The following KCNIP1 variants were observed in gnomAD, a reference collection of about 807,000 sequenced individuals.
The protein encoded by KCNIP1 is potassium voltage-gated channel interacting protein 1, also known as A-type potassium channel modulatory protein KCNIP1.
KCNIP1 carries 18 observed loss-of-function variants against 33.0 expected under a neutral mutation model. The ratio of observed to expected loss-of-function variants is 0.55; its 90% CI spans 0.38 to 0.81. The LOEUF (loss-of-function observed/expected upper bound fraction) is 0.81, where lower values mean the gene tolerates loss of function less well. KCNIP1 is among the 30% of genes least tolerant of loss of function. The pLI, the probability that KCNIP1 is intolerant of heterozygous loss-of-function variation, is 0.00. For missense variants in KCNIP1, 238 were observed against 271.6 expected (o/e 0.88, Z 0.87); for synonymous variants, 93 against 98.3 (o/e 0.95, Z 0.32).
intron 1 of KCNIP1, among the ~76,000 whole-genome samples, chr5:170,356,243 C>T (rs543214210): frequency 5.2e-4 from 79 of 152,320 alleles, no homozygotes; most frequent in African/African-American, 1.8e-3. Context: ...GCACTGAGTT[C>T]TAGATTTGCA....
chr5:170,456,854 A>G (rs143416048), intron 1 of KCNIP1, among the ~76,000 whole-genome samples: 59 of 152,038 alleles, frequency 3.9e-4, no homozygotes, highest in African/African-American at 1.4e-3. Flanking sequence ...GAGTAGCTGG[A>G]ACCACAGGAG....
intron 1 of KCNIP1, among the ~76,000 whole-genome samples, chr5:170,694,470 G>A (rs1177444037): frequency 6.6e-6 from 1 of 152,104 alleles, no homozygotes; most frequent in Admixed American, 6.5e-5. Flanking sequence ...ACTGAAATGA[G>A]GAGATGGTCT....
chr5:170,655,726 C>T (rs1358065391), intron 1 of KCNIP1, among the ~76,000 whole-genome samples: 3 of 152,190 alleles, frequency 2.0e-5, no homozygotes, highest in Admixed American at 1.3e-4. Flanking sequence ...CTGACTTGCA[C>T]TGTGGGCTGA....
At chr5:170,531,502 C>A (rs1478240008) in intron 1 of KCNIP1, among the ~76,000 whole-genome samples, 2 of 152,144 alleles carry the variant, frequency 1.3e-5, no homozygotes, top group Non-Finnish European at 2.9e-5. Flanking sequence ...ATAATGAGAC[C>A]AAATCATCCC....
At chr5:170,455,169 T>C (rs1339173950) in intron 1 of KCNIP1, among the ~76,000 whole-genome samples, 1 of 152,110 alleles carries the variant, frequency 6.6e-6, no homozygotes, top group African/African-American at 2.4e-5. Context: ...CAACTAGACA[T>C]AAGATCAACA....
chr5:170,659,713 C>A (rs1761402783), intron 1 of KCNIP1, among the ~76,000 whole-genome samples: 1 of 152,228 alleles, frequency 6.6e-6, no homozygotes, highest in South Asian at 2.1e-4. Context: ...AGGCTCGGAA[C>A]AAGACTCCTT....
intron 1 of KCNIP1, among the ~76,000 whole-genome samples, chr5:170,518,760 C>T (rs1357375706): frequency 3.9e-5 from 6 of 152,210 alleles, no homozygotes; most frequent in African/African-American, 1.4e-4. Context: ...CCACTTTGCC[C>T]TCAGAGGTAG....
chr5:170,707,993 C>T (rs1763316872), intron 1 of KCNIP1, among the ~76,000 whole-genome samples: 1 of 152,046 alleles, frequency 6.6e-6, no homozygotes, highest in Non-Finnish European at 1.5e-5. Flanking sequence ...AAATCTTTAT[C>T]AAGGCTCAGC....
chr5:170,369,829 G>T (rs1763795736), intron 1 of KCNIP1, among the ~76,000 whole-genome samples: 1 of 152,162 alleles, frequency 6.6e-6, no homozygotes, highest in Non-Finnish European at 1.5e-5. Context: ...CCAGGAGGTT[G>T]GCCTACCTCG....
intron 1 of KCNIP1, among the ~76,000 whole-genome samples, chr5:170,358,446 C>A (rs1214314467): frequency 6.6e-6 from 1 of 152,206 alleles, no homozygotes; most frequent in Non-Finnish European, 1.5e-5. Flanking sequence ...TCAAGATCCT[C>A]AAGAGACTGA....
At chr5:170,371,899 C>T (rs1763855497) in intron 1 of KCNIP1, among the ~76,000 whole-genome samples, 1 of 152,062 alleles carries the variant, frequency 6.6e-6, no homozygotes, top group Non-Finnish European at 1.5e-5. Flanking sequence ...ACTTCTGACA[C>T]CACGTAAGAG....
intron 1 of KCNIP1, among the ~76,000 whole-genome samples, chr5:170,598,685 G>GT (rs1758555247): frequency 6.6e-6 from 1 of 152,124 alleles, no homozygotes; most frequent in African/African-American, 2.4e-5. Context: ...GGCCTGGGAG[G>GT]TGTCAACAAG....
intron 1 of KCNIP1, among the ~76,000 whole-genome samples, chr5:170,623,455 G>T (rs996920135): frequency 2.6e-5 from 4 of 151,818 alleles, no homozygotes; most frequent in African/African-American, 9.7e-5. Context: ...CAAGTGATCC[G>T]CCCACCTCAG....
chr5:170,550,035 G>A (rs1756550855), intron 1 of KCNIP1, among the ~76,000 whole-genome samples: 1 of 152,178 alleles, frequency 6.6e-6, no homozygotes, highest in African/African-American at 2.4e-5. Flanking sequence ...GCTTGTAGGA[G>A]CATTGGACTG....
intron 1 of KCNIP1, among the ~76,000 whole-genome samples, chr5:170,401,637 C>T (rs574977271): frequency 2.6e-5 from 4 of 152,150 alleles, no homozygotes; most frequent in South Asian, 2.1e-4. Flanking sequence ...TGGCGCATGC[C>T]TGTGGTCCCA....
chr5:170,461,466 T>C (rs1488163322), intron 1 of KCNIP1, among the ~76,000 whole-genome samples: 3 of 152,066 alleles, frequency 2.0e-5, no homozygotes, highest in Non-Finnish European at 4.4e-5. Flanking sequence ...AATAGGCACA[T>C]AGGGTTGGGT....
intron 1 of KCNIP1, among the ~76,000 whole-genome samples, chr5:170,690,888 A>C (rs1034363702): frequency 6.6e-5 from 10 of 152,214 alleles, no homozygotes; most frequent in African/African-American, 9.6e-5. Flanking sequence ...TTACATACTT[A>C]GCTTCTGTGC....
At chr5:170,355,308 G>A (rs920080905) in intron 1 of KCNIP1, among the ~76,000 whole-genome samples, 2 of 152,224 alleles carry the variant, frequency 1.3e-5, no homozygotes, top group Admixed American at 6.5e-5. Flanking sequence ...ATTGCTCTCA[G>A]TGGCTTTACC....
At chr5:170,652,812 A>C (rs1761100072) in intron 1 of KCNIP1, among the ~76,000 whole-genome samples, 1 of 152,200 alleles carries the variant, frequency 6.6e-6, no homozygotes, top group South Asian at 2.1e-4. Context: ...TTTGTCATTA[A>C]AACATCCCTG....
Sources: gnomAD v4.1 joint callset for allele counts (sites outside exome capture counted in the v4.1 genomes callset) on GRCh38, gnomAD v4.1.1 for gene constraint, MANE v1.5 for transcripts, NCBI Gene and HGNC (gene_info 2026-07-23, HGNC 2026-07-21) for gene names.